Variants in PDCD10 observed in about 807,000 individuals in gnomAD.
The protein encoded by PDCD10 is programmed cell death protein 10.
A neutral mutation model predicts 29.2 loss-of-function variants in PDCD10; 4 were observed. That is an observed-to-expected ratio of 0.14 (90% CI 0.07 to 0.31). The LOEUF (loss-of-function observed/expected upper bound fraction) is 0.31, where lower values mean the gene tolerates loss of function less well. Ranked by LOEUF, PDCD10 falls within the 10% of genes least tolerant of loss-of-function variation. PDCD10 has a pLI of 1.00. For synonymous variants in PDCD10, 70 were observed against 82.2 expected (o/e 0.85, Z 0.80); for missense variants, 183 against 257.9 (o/e 0.71, Z 1.99).
intron 4 of PDCD10, among the ~76,000 whole-genome samples, chr3:167,699,370 C>T (rs974054937): frequency 1.3e-5 from 2 of 152,200 alleles, no homozygotes; most frequent in African/African-American, 2.4e-5. Context: ...TGTACACCTT[C>T]ACAATTTTAA....
intron 2 of PDCD10, among the ~76,000 whole-genome samples, chr3:167,727,701 A>G (rs1724353805): frequency 6.6e-6 from 1 of 152,210 alleles, no homozygotes; most frequent in South Asian, 2.1e-4. Flanking sequence ...GGTACAATTA[A>G]AAGAATCTGT....
intron 2 of PDCD10, among the ~76,000 whole-genome samples, chr3:167,733,852 A>G (rs1725079601): frequency 6.6e-6 from 1 of 152,302 alleles, no homozygotes; most frequent in Middle Eastern, 3.4e-3. Flanking sequence ...AGTAGAGTCT[A>G]TCATTTAATA....
chr3:167,716,871 T>TGG (rs1246162365), intron 3 of PDCD10, among the ~76,000 whole-genome samples: 1 of 151,940 alleles, frequency 6.6e-6, no homozygotes, highest in Non-Finnish European at 1.5e-5. Flanking sequence ...GAGAAAACAA[T>TGG]TCCTCTAAAT....
intron 3 of PDCD10, among the ~76,000 whole-genome samples, chr3:167,709,108 T>C (rs1453142665): frequency 2.0e-5 from 3 of 152,000 alleles, no homozygotes; most frequent in Non-Finnish European, 4.4e-5. Context: ...ATGTTTACTA[T>C]GCTCAAAGTT....
chr3:167,732,348 T>C (rs1455116303), intron 2 of PDCD10, among the ~76,000 whole-genome samples: 3 of 152,146 alleles, frequency 2.0e-5, no homozygotes, highest in Non-Finnish European at 2.9e-5. Context: ...ATGTATAATA[T>C]ACGGAAGACA....
chr3:167,695,545 T>TC (rs764509274), intron 6 of PDCD10, 51 bp downstream of exon 6: 1 of 1,555,680 alleles, frequency 6.4e-7, no homozygotes, highest in African/African-American at 1.4e-5. Flanking sequence ...GATGAGTAGT[T>TC]CCTCGGAAGT....
At chr3:167,713,199 A>G (rs1391681550) in intron 3 of PDCD10, among the ~76,000 whole-genome samples, 1 of 152,074 alleles carries the variant, frequency 6.6e-6, no homozygotes, top group Non-Finnish European at 1.5e-5. Context: ...TTAGGTCACA[A>G]TACAAGTCTT....
chr3:167,686,229 A>G (rs999894744), intron 8 of PDCD10, among the ~76,000 whole-genome samples: 1 of 152,218 alleles, frequency 6.6e-6, no homozygotes, highest in Non-Finnish European at 1.5e-5. Context: ...CATTATACGT[A>G]TGCATGTATG....
chr3:167,714,655 T>C (rs1054132843), intron 3 of PDCD10, among the ~76,000 whole-genome samples: 1 of 151,276 alleles, frequency 6.6e-6, no homozygotes, highest in Non-Finnish European at 1.5e-5. Flanking sequence ...CAGTGAAAAA[T>C]CTGAAAAAAA....
At chr3:167,699,499 C>T (rs1399742831) in intron 4 of PDCD10, among the ~76,000 whole-genome samples, 1 of 152,152 alleles carries the variant, frequency 6.6e-6, no homozygotes, top group Non-Finnish European at 1.5e-5. Flanking sequence ...ATTCTTATTT[C>T]AAAAGCTTGA....
chr3:167,709,456 T>G (rs1176060453), intron 3 of PDCD10, among the ~76,000 whole-genome samples: 2 of 152,012 alleles, frequency 1.3e-5, no homozygotes, highest in Admixed American at 1.3e-4. Flanking sequence ...CTGGGAGACT[T>G]TGTACTAAAC....
chr3:167,726,086 T>G, intron 2 of PDCD10, among the ~76,000 whole-genome samples: 1 of 150,256 alleles, frequency 6.7e-6, no homozygotes, highest in African/African-American at 2.4e-5. Flanking sequence ...ATGTCAAGTG[T>G]ATGCACTTAC....
chr3:167,685,607 C>T (rs960852677), intron 8 of PDCD10, among the ~76,000 whole-genome samples: 4 of 151,936 alleles, frequency 2.6e-5, no homozygotes, highest in Admixed American at 2.0e-4. Flanking sequence ...GTAGTAGCAA[C>T]GACACTGAAT....
At chr3:167,697,954 CTGA>C in intron 4 of PDCD10, 1 of 456,586 alleles carries the variant, frequency 2.2e-6, no homozygotes, top group Non-Finnish European at 4.4e-6. Context: ...AATCATTATG[CTGA>C]TGATTTTCTT....
chr3:167,725,763 TTATATATATATATATATATATATA>T (rs67647566), intron 2 of PDCD10, among the ~76,000 whole-genome samples: 2,741 of 77,156 alleles, frequency 0.036, 163 homozygotes, highest in African/African-American at 0.099. Context: ...ATTGTATCGT[TTATATATATATATATATATATATA>T]TATATATATA....
intron 6 of PDCD10, among the ~76,000 whole-genome samples, chr3:167,693,223 T>C (rs1267797188): frequency 3.9e-5 from 6 of 152,220 alleles, no homozygotes; most frequent in African/African-American, 1.4e-4. Context: ...GATGAATGTT[T>C]TCTTTTTCTT....
At chr3:167,733,283 T>C (rs765169721) in intron 2 of PDCD10, among the ~76,000 whole-genome samples, 14 of 152,318 alleles carry the variant, frequency 9.2e-5, no homozygotes, top group East Asian at 3.9e-4. Flanking sequence ...AAATAAATTC[T>C]GCCATCAATG....
intron 6 of PDCD10, among the ~76,000 whole-genome samples, chr3:167,692,786 C>T (rs770451254): frequency 3.3e-5 from 5 of 152,158 alleles, no homozygotes; most frequent in African/African-American, 9.7e-5. Flanking sequence ...GGCATGGTGG[C>T]GGGCGCCTGT....
intron 6 of PDCD10, among the ~76,000 whole-genome samples, chr3:167,693,614 G>A (rs559449984): frequency 6.6e-6 from 1 of 152,148 alleles, no homozygotes; most frequent in African/African-American, 2.4e-5. Context: ...GTTTGCCCAA[G>A]GAAACAATTC....
Sources: allele counts gnomAD v4.1 joint callset (sites outside exome capture counted in the v4.1 genomes callset), GRCh38; gene constraint gnomAD v4.1.1; transcripts MANE v1.5; gene names NCBI Gene and HGNC (gene_info 2026-07-23, HGNC 2026-07-21).